The following OR13A1 variants were observed in gnomAD, a reference collection of about 807,000 sequenced individuals.
OR13A1 encodes the protein olfactory receptor family 13 subfamily A member 1.
OR13A1 carries 10 observed loss-of-function variants against 7.5 expected under a neutral mutation model. The observed-to-expected ratio is 1.34, with a 90% CI of 0.83 to 2.27. The LOEUF (loss-of-function observed/expected upper bound fraction) is 2.27, where lower values mean the gene tolerates loss of function less well. OR13A1 is among the 30% of genes most tolerant of loss of function. The pLI is 0.00. For missense variants in OR13A1, 509 were observed against 419.1 expected (o/e 1.21, Z -1.87); for synonymous variants, 238 against 177.9 (o/e 1.34, Z -2.69).
At position 45,304,358 on chromosome 10, in the gene OR13A1, CTCA is replaced by C. The variant is rs767524896; in HGVS notation, c.62_64del (p.Met21del). On this transcript the variant is annotated inframe_deletion, in exon 4 of 4. Coordinates refer to ENST00000553795, the MANE Select transcript of OR13A1 (RefSeq NM_001004297.3). Reference sequence around the variant, plus strand: ...GAACTCGGTTACCAACGTCTGGTTACTCATCATCCTTGGGCTGGGACGGGTTTC... The same window carrying C: ...GAACTCGGTTACCAACGTCTGGTTACTCATCCTTGGGCTGGGACGGGTTTC... 1.9e-6 allele frequency: 3 copies of C among 1,614,102 alleles called. No individual in the cohort carries two copies. The South Asian group carries it at 3.3e-5, about 18-fold the overall frequency.
intron 3 of OR13A1, among the ~76,000 whole-genome samples, 186 bp downstream of exon 3, chr10:45,307,240 C>T (rs563658671): frequency 1.3e-5 from 2 of 152,338 alleles, no homozygotes; most frequent in East Asian, 1.9e-4. Context: ...GTCACGCATC[C>T]TTCCTGGAGC....
intron 3 of OR13A1, among the ~76,000 whole-genome samples, chr10:45,305,652 C>A (rs1838313272): frequency 6.6e-6 from 1 of 152,224 alleles, no homozygotes; most frequent in Non-Finnish European, 1.5e-5. Context: ...TCCCACTCAT[C>A]TTAAAGCCAG....
At chr10:45,309,640 C>T (rs1838403952) in intron 1 of OR13A1, among the ~76,000 whole-genome samples, 2 of 152,074 alleles carry the variant, frequency 1.3e-5, no homozygotes, top group South Asian at 2.1e-4. Context: ...AAAGCCTTAT[C>T]GCCTTATCAC....
rs572809211 is a variant in OR13A1, at chr10:45,304,073, G to A, written c.350C>T (p.Ala117Val). ...ESSISYGGCMAQLYFLTWAAS... is the reference protein window; with the variant it reads ...ESSISYGGCMVQLYFLTWAAS... ...AGCCCACGTGAGGAAATAGAGCTGG[G>A]CCATGCAGCCCCCGTAGGAGATGGA... is the stretch of plus-strand genomic sequence containing the variant. The change falls in exon 4 of 4, where the codon GCC becomes GTC. Residue 117 changes from alanine (A) to valine (V), a missense_variant. Transcript: ENST00000553795. 1.2e-6 allele frequency: 2 copies of A among 1,613,834 alleles called. No individual in the cohort carries two copies. The highest frequency in any genetic ancestry group is 1.3e-5 in the African/African-American group (1 of 74,942).
intron 1 of OR13A1, among the ~76,000 whole-genome samples, chr10:45,310,597 A>G (rs1282060787): frequency 1.3e-5 from 2 of 150,958 alleles, no homozygotes; most frequent in East Asian, 1.9e-4. Flanking sequence ...AGCTGGAAAG[A>G]TACATGTACA....
rs185944319 is a variant in OR13A1, at chr10:45,310,040, T to C, written c.-224-2232A>G. ...CATGTTAGTTGTCATTATGAATGGG[T>C]CATCTATAGAAATAATTATTCCAAA... On this transcript the variant is annotated intron_variant, in intron 1 of 3. Coordinates refer to ENST00000553795, the MANE Select transcript of OR13A1 (RefSeq NM_001004297.3). 2.6e-5 allele frequency among the ~76,000 whole-genome samples: 4 copies of C among 152,280 alleles called. No individual in the cohort carries two copies. The East Asian group carries it at 7.7e-4, about 29-fold the overall frequency.
Position 45,303,646 on chromosome 10 carries a change from G to T in OR13A1, c.777C>A (p.Cys259Ter), listed in dbSNP as rs773024099. ...TGCACACCACGGTGAGGTGGGAAGAGCAGGTGGAGAAGGCTTTCTGCCTCC... is the reference window on the plus strand; with the variant it reads ...TGCACACCACGGTGAGGTGGGAAGATCAGGTGGAGAAGGCTTTCTGCCTCC... Reference protein sequence around the residue: ...AWGRQKAFSTCSSHLTVVCMY... With the variant: ...AWGRQKAFST The change falls in exon 4 of 4, where the codon TGC becomes TGA. Residue 259 changes from cysteine (C) to a stop codon, truncating the protein, a stop_gained. Transcript: ENST00000553795. LOFTEE classifies it low-confidence loss of function (END_TRUNC). 1.9e-6 allele frequency: 3 copies of T among 1,614,222 alleles called. No individual in the cohort carries two copies. Among genetic ancestry groups the T allele is most frequent in the Non-Finnish European group, 2.5e-6 (3 of 1,180,042 alleles).
At chr10:45,307,030 G>T (rs1170010241) in intron 3 of OR13A1, among the ~76,000 whole-genome samples, 4 of 152,216 alleles carry the variant, frequency 2.6e-5, no homozygotes, top group Admixed American at 2.6e-4. Flanking sequence ...CAATGTCCCA[G>T]TGTGAGGTTT....
Position 45,304,190 on chromosome 10 carries a change from T to G in OR13A1, c.233A>C (p.Tyr78Ser). ...TFNPGLHAPM[Y>S]FFLLNLATMD... ...AGTAGCCAAGTTGAGTAAGAAAAAG[T>G]ACATAGGAGCGTGGAGCCCAGGGTT... The change falls in exon 4 of 4, where the codon TAC becomes TCC. Residue 78 changes from tyrosine to serine, a missense_variant. Physicochemically the swap from Tyr to Ser is moderately radical, Grantham distance 144 (BLOSUM62 -2). Coordinates refer to ENST00000553795, the MANE Select transcript of OR13A1 (RefSeq NM_001004297.3). 6.2e-7 allele frequency: 1 copy of G among 1,614,086 alleles called. No homozygotes were observed. The highest frequency in any genetic ancestry group is 1.3e-5 in the African/African-American group (1 of 75,008).
At chr10:45,311,853 G>T (rs1318723396) in intron 1 of OR13A1, among the ~76,000 whole-genome samples, 3 of 152,080 alleles carry the variant, frequency 2.0e-5, no homozygotes. Context: ...AAATAAAATA[G>T]TTGTCATAAC....
In OR13A1 at chr10:45,308,243, G is replaced by T. The variant is rs372452948; in HGVS notation, c.-224-435C>A. ...TGAAAGACATTTTGAAGATAACTTTGTCCAACCTATTGATTTGGAAAGTCA... is the reference window on the plus strand; with the variant it reads ...TGAAAGACATTTTGAAGATAACTTTTTCCAACCTATTGATTTGGAAAGTCA... On this transcript the variant is annotated intron_variant, in intron 1 of 3. Transcript: ENST00000553795. Among the ~76,000 whole-genome samples, 14 of 152,318 alleles carry T rather than the reference G, an allele frequency of 9.2e-5. 2 individuals are homozygous for T. The highest frequency in any genetic ancestry group is 2.6e-4 in the Admixed American group (4 of 15,304).
At chr10:45,304,720 T>C (rs1470644435) in intron 3 of OR13A1, among the ~76,000 whole-genome samples, 1 of 152,202 alleles carries the variant, frequency 6.6e-6, no homozygotes, top group African/African-American at 2.4e-5. Flanking sequence ...TGATATTAAC[T>C]AGCATTAGAA....
chr10:45,311,183 T>C (rs1838438044), intron 1 of OR13A1, among the ~76,000 whole-genome samples: 1 of 152,256 alleles, frequency 6.6e-6, no homozygotes, highest in African/African-American at 2.4e-5. Context: ...AAAACAATCC[T>C]TTTAAAACTT....
At chr10:45,307,382 A>G (rs1233043839) in intron 3 of OR13A1, 44 bp downstream of exon 3, 1 of 152,212 alleles carries the variant, frequency 6.6e-6, no homozygotes, top group African/African-American at 2.4e-5. Context: ...AATTTCCACA[A>G]ATGTATTCAC....
chr10:45,303,478 G>T lies in OR13A1; in HGVS notation c.945C>A (p.Val315=). ...GGAAAAGCTTCCTGAGGGCTGCTTT[G>T]ACCTCCTTGTTTCTCAAAGTATAGA... is the stretch of plus-strand genomic sequence containing the variant. ...PLIYTLRNKE[V]KAALRKLFPF... The change falls in exon 4 of 4, where the codon GTC becomes GTA. Residue 315 remains valine, a synonymous_variant. Coordinates refer to ENST00000553795, the MANE Select transcript of OR13A1 (RefSeq NM_001004297.3). 6.8e-6 allele frequency: 11 copies of T among 1,611,088 alleles called. No individual in the cohort carries two copies. The highest frequency in any genetic ancestry group is 9.3e-6 in the Non-Finnish European group (11 of 1,178,438).
chr10:45,304,528 G>T (rs1838289304), intron 3 of OR13A1, 94 bp from the exon 4 acceptor site: 4 of 1,069,688 alleles, frequency 3.7e-6, no homozygotes, highest in Non-Finnish European at 4.1e-6. Context: ...ATGCATTAGG[G>T]CATATTGATT....
intron 1 of OR13A1, among the ~76,000 whole-genome samples, chr10:45,308,018 A>C (rs1308683769): frequency 1.3e-5 from 2 of 152,236 alleles, no homozygotes; most frequent in African/African-American, 4.8e-5. Context: ...GAAAATTTAA[A>C]AGATTTAATT....
At position 45,307,057 on chromosome 10, in the gene OR13A1, T is replaced by C. The variant is rs899507951; in HGVS notation, c.-13+369A>G. On this transcript the variant is annotated intron_variant, in intron 3 of 3. Coordinates refer to ENST00000553795, the MANE Select transcript of OR13A1 (RefSeq NM_001004297.3). ...GTGAGGTTTCTGCACTTCCGACTCATGTCCTCCTCCCTAGAATTCTAGCCA... is the reference window on the plus strand; with the variant it reads ...GTGAGGTTTCTGCACTTCCGACTCACGTCCTCCTCCCTAGAATTCTAGCCA... Among the ~76,000 whole-genome samples the C allele has an allele frequency of 9.2e-5, 14 of 152,356 alleles. No homozygotes were observed. The South Asian group carries it at 2.7e-3, about 29-fold the overall frequency.
chr10:45,314,302 A>C (rs987916186), intron 1 of OR13A1, among the ~76,000 whole-genome samples: 1 of 152,104 alleles, frequency 6.6e-6, no homozygotes, highest in African/African-American at 2.4e-5. Flanking sequence ...GTGCATTATA[A>C]AAGGAAGAAA....
Sources: allele counts gnomAD v4.1 joint callset (sites outside exome capture counted in the v4.1 genomes callset), GRCh38; gene constraint gnomAD v4.1.1; transcripts MANE v1.5; gene names NCBI Gene and HGNC (gene_info 2026-07-23, HGNC 2026-07-21).